The following PLCE1 variants were observed in gnomAD, a reference collection of about 807,000 sequenced individuals.
PLCE1 encodes 1-phosphatidylinositol 4,5-bisphosphate phosphodiesterase epsilon-1.
PLCE1 carries 119 observed loss-of-function variants against 242.8 expected under a neutral mutation model. The observed-to-expected ratio is 0.49, with a 90% CI of 0.42 to 0.57. The LOEUF is 0.57. Among genes scored for constraint, PLCE1 ranks in the 20% least tolerant of loss-of-function variants. PLCE1 has a pLI of 0.00. For synonymous variants in PLCE1, 945 were observed against 1,017.4 expected (o/e 0.93, Z 1.35); for missense variants, 2,441 against 2,788.8 (o/e 0.88, Z 2.81).
chr10:94,051,415 G>C (rs1392073907), intron 2 of PLCE1, among the ~76,000 whole-genome samples: 6 of 150,982 alleles, frequency 4.0e-5, no homozygotes, highest in Admixed American at 3.3e-4. Context: ...CTCTGGTCTA[G>C]TTAGATGATT....
At chr10:94,259,200 T>C (rs772320825) in intron 13 of PLCE1, 50 bp downstream of exon 13, 5 of 1,593,946 alleles carry the variant, frequency 3.1e-6, no homozygotes, top group Non-Finnish European at 4.3e-6. Context: ...TGTCTAAAAC[T>C]TAAGGTCAGA....
At chr10:94,314,233 A>T (rs1307252794) in intron 28 of PLCE1, among the ~76,000 whole-genome samples, 1 of 152,138 alleles carries the variant, frequency 6.6e-6, no homozygotes, top group African/African-American at 2.4e-5. Context: ...ACCACACCAG[A>T]AGCGCTATCC....
At chr10:94,241,527 C>T (rs918829747) in intron 7 of PLCE1, among the ~76,000 whole-genome samples, 1 of 152,124 alleles carries the variant, frequency 6.6e-6, no homozygotes, top group African/African-American at 2.4e-5. Flanking sequence ...CATGGTGGCT[C>T]CCCCCTGTAA....
chr10:94,071,494 C>CTTTTTT (rs2044351149), intron 2 of PLCE1, among the ~76,000 whole-genome samples: 32 of 69,144 alleles, frequency 4.6e-4, no homozygotes, highest in East Asian at 1.2e-3. Context: ...GTTTGGTTTT[C>CTTTTTT]GTTTTTTTTT....
intron 2 of PLCE1, among the ~76,000 whole-genome samples, chr10:94,073,184 A>G (rs1259698597): frequency 2.0e-5 from 3 of 148,444 alleles, no homozygotes; most frequent in Non-Finnish European, 4.5e-5. Flanking sequence ...CAGGCAGTTC[A>G]TGATCGTTTC....
intron 2 of PLCE1, chr10:94,104,142 T>C (rs528125945): frequency 1.3e-5 from 2 of 152,316 alleles, no homozygotes; most frequent in East Asian, 3.9e-4. Flanking sequence ...GTGTTGCCTA[T>C]AGCAACTAAG....
intron 26 of PLCE1, 116 bp from the exon 27 acceptor site, chr10:94,308,465 T>C: frequency 1.3e-6 from 1 of 795,834 alleles, no homozygotes; most frequent in Admixed American, 1.7e-5. Context: ...GTTGCATGCC[T>C]GTTGCCATCC....
intron 4 of PLCE1, among the ~76,000 whole-genome samples, chr10:94,212,189 C>T (rs1488674612): frequency 2.0e-5 from 3 of 152,246 alleles, no homozygotes; most frequent in South Asian, 2.1e-4. Context: ...CAGGTTCAAA[C>T]GATTCTCCTG....
intron 29 of PLCE1, among the ~76,000 whole-genome samples, chr10:94,319,799 G>T (rs1270480312): frequency 2.0e-5 from 3 of 151,166 alleles, no homozygotes; most frequent in Non-Finnish European, 4.4e-5. Context: ...TTCATAACCT[G>T]TGGCTTCGAA....
At chr10:94,260,480 A>G (rs2051258263) in intron 13 of PLCE1, among the ~76,000 whole-genome samples, 1 of 152,088 alleles carries the variant, frequency 6.6e-6, no homozygotes, top group Non-Finnish European at 1.5e-5. Flanking sequence ...CTTCATAATT[A>G]TTTATAAGTT....
intron 2 of PLCE1, among the ~76,000 whole-genome samples, chr10:94,058,730 T>TG (rs2043970962): frequency 3.9e-5 from 6 of 152,110 alleles, no homozygotes; most frequent in Non-Finnish European, 8.8e-5. Flanking sequence ...CTTGGTAAAA[T>TG]GGTGATGGGG....
intron 2 of PLCE1, among the ~76,000 whole-genome samples, chr10:94,086,311 G>A (rs193093283): frequency 6.6e-6 from 1 of 152,220 alleles, no homozygotes; most frequent in Admixed American, 6.5e-5. Context: ...GCCACACCCA[G>A]CTTGTGACCA....
chr10:94,155,468 G>A (rs554231662), intron 3 of PLCE1, among the ~76,000 whole-genome samples: 1 of 152,262 alleles, frequency 6.6e-6, no homozygotes, highest in Admixed American at 6.5e-5. Flanking sequence ...TGGTTGTCAG[G>A]GCCTGGGTGA....
intron 2 of PLCE1, among the ~76,000 whole-genome samples, chr10:94,115,881 GC>G (rs2046110757): frequency 6.6e-6 from 1 of 152,112 alleles, no homozygotes; most frequent in South Asian, 2.1e-4. Flanking sequence ...ATTGTTTCCT[GC>G]CTCGTGTTAA....
intron 4 of PLCE1, among the ~76,000 whole-genome samples, chr10:94,223,352 A>T (rs2049827162): frequency 6.6e-6 from 1 of 151,754 alleles, no homozygotes. Context: ...AAAAGGAGGG[A>T]TATAGGGGAG....
rs201846391 is a variant in PLCE1 at position 94,165,540 on chromosome 10, C to T, written c.1493-5640C>T. ...GCTGTAGACTGGAGCTGTTCCTATT[C>T]GGCTGTCTTGGCTCCACCCCCCTCT... On this transcript the variant is annotated intron_variant, in intron 3 of 32. Coordinates refer to ENST00000371380, the MANE Select transcript of PLCE1 (RefSeq NM_016341.4). Among the ~76,000 whole-genome samples, 112 of 152,164 alleles carry T rather than the reference C, an allele frequency of 7.4e-4. No homozygotes were observed. In the East Asian group the frequency reaches 0.013, roughly 18 times the overall value.
At chr10:94,129,070 C>A (rs1445380432) in intron 2 of PLCE1, among the ~76,000 whole-genome samples, 1 of 152,204 alleles carries the variant, frequency 6.6e-6, no homozygotes, top group African/African-American at 2.4e-5. Flanking sequence ...GACCTCCCTA[C>A]ATTAGGCACT....
At chr10:94,299,709 G>T (rs2052968439) in intron 24 of PLCE1, among the ~76,000 whole-genome samples, 1 of 152,168 alleles carries the variant, frequency 6.6e-6, no homozygotes, top group African/African-American at 2.4e-5. Context: ...TTTAGCTCTG[G>T]GACCAGCTAG....
intron 3 of PLCE1, chr10:94,138,710 G>T: frequency 3.6e-6 from 1 of 277,404 alleles, no homozygotes; most frequent in South Asian, 3.9e-5. Flanking sequence ...AACAGCTGTG[G>T]CCCTGGACAC....
Sources: gnomAD v4.1 joint callset for allele counts (sites outside exome capture counted in the v4.1 genomes callset) on GRCh38, gnomAD v4.1.1 for gene constraint, MANE v1.5 for transcripts, NCBI Gene and HGNC (gene_info 2026-07-23, HGNC 2026-07-21) for gene names.